The following PHYHIPL variants were observed in gnomAD, a reference collection of about 807,000 sequenced individuals.
PHYHIPL encodes phytanoyl-CoA hydroxylase-interacting protein-like.
PHYHIPL carries 9 observed loss-of-function variants against 33.4 expected under a neutral mutation model. The ratio of observed to expected loss-of-function variants is 0.27; its 90% confidence interval spans 0.16 to 0.47. The LOEUF is 0.47. Ranked by LOEUF, PHYHIPL falls within the 20% of genes least tolerant of loss-of-function variation. The pLI is 0.99. For synonymous variants in PHYHIPL, 153 were observed against 154.1 expected (o/e 0.99, Z 0.05); for missense variants, 365 against 460.7 (o/e 0.79, Z 1.90).
intron 1 of PHYHIPL, among the ~76,000 whole-genome samples, chr10:59,184,878 C>A (rs922497257): frequency 6.6e-6 from 1 of 151,344 alleles, no homozygotes; most frequent in African/African-American, 2.4e-5. Flanking sequence ...TAATTGCCAC[C>A]TATGAGTGAG....
upstream of PHYHIPL, among the ~76,000 whole-genome samples, chr10:59,175,455 G>A (rs1396558854): frequency 6.6e-6 from 1 of 152,174 alleles, no homozygotes; most frequent in African/African-American, 2.4e-5. Flanking sequence ...TGTGTAAACT[G>A]TTACTTGTTG....
At position 59,204,686 on chromosome 10, in the gene PHYHIPL, A is replaced by T. The variant is rs1053285382; in HGVS notation, c.106+27727A>T. Among the ~76,000 whole-genome samples, 5 of 151,960 alleles carry T rather than the reference A, an allele frequency of 3.3e-5. No individual in the cohort carries two copies. The South Asian group carries it at 1.0e-3, about 32-fold the overall frequency. ...TAATCTGAGATTTTTTTTTCTTAAC[A>T]TATTACTTATTGCCAACATTGGTAG... On this transcript the variant is annotated intron_variant, in intron 1 of 4. Coordinates refer to ENST00000373880, the MANE Select transcript of PHYHIPL (RefSeq NM_032439.4).
intron 1 of PHYHIPL, among the ~76,000 whole-genome samples, chr10:59,195,283 A>G (rs1838882109): frequency 6.6e-6 from 1 of 152,226 alleles, no homozygotes; most frequent in African/African-American, 2.4e-5. Flanking sequence ...GGCTGAGGCC[A>G]CATAACAAAA....
At chr10:59,205,239 C>T (rs1189650528) in intron 1 of PHYHIPL, among the ~76,000 whole-genome samples, 2 of 152,214 alleles carry the variant, frequency 1.3e-5, no homozygotes, top group East Asian at 1.9e-4. Flanking sequence ...TCCTTGTGGA[C>T]ACTGTATTCA....
intron 1 of PHYHIPL, among the ~76,000 whole-genome samples, chr10:59,186,541 A>G (rs1267076477): frequency 9.2e-5 from 14 of 152,042 alleles, no homozygotes; most frequent in Non-Finnish European, 1.2e-4. Context: ...CATTGAATCT[A>G]TAAATTACCT....
chr10:59,186,928 C>T (rs1309820692), intron 1 of PHYHIPL, among the ~76,000 whole-genome samples: 1 of 152,154 alleles, frequency 6.6e-6, no homozygotes, highest in East Asian at 1.9e-4. Context: ...ATTTGACTTC[C>T]TCTTTTCCTA....
intron 1 of PHYHIPL, among the ~76,000 whole-genome samples, chr10:59,179,149 A>C (rs947145982): frequency 1.3e-5 from 2 of 152,158 alleles, no homozygotes; most frequent in African/African-American, 4.8e-5. Context: ...GGGATAATTT[A>C]GGGGGAATAA....
rs138752924 is a variant in PHYHIPL at position 59,244,958 on chromosome 10, C to T, written c.597-99C>T. 42 of 1,281,928 alleles carry T rather than the reference C, an allele frequency of 3.3e-5. No individual in the cohort carries two copies. The African/African-American group carries it at 5.9e-4, about 18-fold the overall frequency. 79.4% of individuals were successfully genotyped at this position (1,281,928 alleles called of 1,614,324 possible). On this transcript the variant is annotated intron_variant, in intron 4 of 4. Coordinates refer to ENST00000373880, the MANE Select transcript of PHYHIPL (RefSeq NM_032439.4). ...CTGATAGTAAGAGAGGTATTCAGGC[C>T]TTTAACAGTAGATGTTTGACTTTTA...
At chr10:59,181,019 C>A (rs987588445) in intron 1 of PHYHIPL, among the ~76,000 whole-genome samples, 1 of 152,144 alleles carries the variant, frequency 6.6e-6, no homozygotes, top group Non-Finnish European at 1.5e-5. Flanking sequence ...GATCAGACCA[C>A]CCCTGTTAGA....
chr10:59,188,514 A>C (rs1260377729), intron 1 of PHYHIPL, among the ~76,000 whole-genome samples: 1 of 151,992 alleles, frequency 6.6e-6, no homozygotes, highest in African/African-American at 2.4e-5. Context: ...CAATTTCTGG[A>C]TATCCTTGTT....
intron 1 of PHYHIPL, among the ~76,000 whole-genome samples, chr10:59,227,376 C>T (rs548144167): frequency 1.4e-4 from 22 of 151,998 alleles, no homozygotes; most frequent in Admixed American, 1.3e-4. Flanking sequence ...GAAACTAGTC[C>T]GCTTTCTGCT....
At position 59,203,243 on chromosome 10, in the gene PHYHIPL, T is replaced by C. The variant is rs971347497; in HGVS notation, c.106+26284T>C. Among the ~76,000 whole-genome samples the C allele has an allele frequency of 5.3e-5, 8 of 152,180 alleles. No homozygotes were observed. The South Asian group carries it at 6.2e-4, about 12-fold the overall frequency. ...TACCATCTCACACCAGTTAGAATGG[T>C]GATCATTAAAAAGCCAGGAAACAAC... is the stretch of plus-strand genomic sequence containing the variant. On this transcript the variant is annotated intron_variant, in intron 1 of 4. Transcript: ENST00000373880.
At chr10:59,216,096 T>C (rs1839606488) in intron 1 of PHYHIPL, among the ~76,000 whole-genome samples, 1 of 151,974 alleles carries the variant, frequency 6.6e-6, no homozygotes, top group Admixed American at 6.6e-5. Context: ...AAATTGGAAG[T>C]TGTCAGCAAA....
At chr10:59,201,942 G>C (rs1239407594) in intron 1 of PHYHIPL, among the ~76,000 whole-genome samples, 1 of 152,104 alleles carries the variant, frequency 6.6e-6, no homozygotes, top group East Asian at 1.9e-4. Context: ...AGAGTTAGGG[G>C]TCATAAGAGT....
Position 59,245,597 on chromosome 10 carries a change from ACTTTT to A in PHYHIPL, c.*10_*14del, listed in dbSNP as rs778647456. ...ATATCAGTGTTGGACGTTAATGCCCACTTTTCTTATTCTTACTCAGCCCCTTTTCC... is the reference window on the plus strand; with the variant it reads ...ATATCAGTGTTGGACGTTAATGCCCACTTATTCTTACTCAGCCCCTTTTCC... On this transcript the variant is annotated 3_prime_UTR_variant, in exon 5 of 5. Transcript: ENST00000373880. 1.9e-6 allele frequency: 3 copies of A among 1,575,946 alleles called. No individual in the cohort carries two copies. The South Asian group carries it at 3.6e-5, about 19-fold the overall frequency.
At chr10:59,177,100 A>G (rs1010794674) in intron 1 of PHYHIPL, 141 bp downstream of exon 1, 6 of 692,998 alleles carry the variant, frequency 8.7e-6, no homozygotes, top group Admixed American at 3.0e-5. Context: ...GATGTGGGTT[A>G]CCCTCCGCCC....
intron 1 of PHYHIPL, among the ~76,000 whole-genome samples, chr10:59,203,455 G>T (rs1000463544): frequency 6.6e-6 from 1 of 152,102 alleles, no homozygotes; most frequent in Non-Finnish European, 1.5e-5. Flanking sequence ...CTACTTTAAA[G>T]ACACACGCAC....
chr10:59,203,981 T>G (rs1363971823), intron 1 of PHYHIPL, among the ~76,000 whole-genome samples: 2 of 152,156 alleles, frequency 1.3e-5, no homozygotes, highest in African/African-American at 2.4e-5. Context: ...AGGGTTATTT[T>G]CCGTTTACTA....
chr10:59,195,449 T>G (rs748622171), intron 1 of PHYHIPL, among the ~76,000 whole-genome samples: 1 of 152,198 alleles, frequency 6.6e-6, no homozygotes, highest in Non-Finnish European at 1.5e-5. Context: ...AGAAGTATAA[T>G]TGGAAGACAA....
Sources: allele counts gnomAD v4.1 joint callset (sites outside exome capture counted in the v4.1 genomes callset), GRCh38; gene constraint gnomAD v4.1.1; transcripts MANE v1.5; gene names NCBI Gene and HGNC (gene_info 2026-07-23, HGNC 2026-07-21).